The following R3HCC1L variants were observed in gnomAD, a reference collection of about 807,000 sequenced individuals.
R3HCC1L encodes the protein coiled-coil domain-containing protein R3HCC1L.
A neutral mutation model predicts 59.9 loss-of-function variants in R3HCC1L; 51 were observed. That is an observed-to-expected ratio of 0.85 (90% confidence interval 0.68 to 1.07). The LOEUF (loss-of-function observed/expected upper bound fraction) is 1.07, where lower values mean the gene tolerates loss of function less well. R3HCC1L is among the 50% of genes least tolerant of loss of function. The pLI is 0.00. For missense variants in R3HCC1L, 965 were observed against 933.0 expected (o/e 1.03, Z -0.45); for synonymous variants, 322 against 315.2 (o/e 1.02, Z -0.23).
intron 4 of R3HCC1L, among the ~76,000 whole-genome samples, chr10:98,181,088 C>T (rs558560501): frequency 9.7e-4 from 148 of 152,230 alleles, no homozygotes; most frequent in Non-Finnish European, 1.7e-3. Context: ...TTGATCCTGT[C>T]GTTATGATGT....
In R3HCC1L at chr10:98,209,139, A is replaced by C; in HGVS notation, c.1025A>C (p.Glu342Ala). ...GAGAAGAATGACAGCACTGCTGATG[A>C]GTTACATGTAAAGCACGAACCTCCT... ...ECEKNDSTAD[E>A]LHVKHEPPDT... Residue 342 changes from glutamate (E) to alanine (A), a missense_variant, in exon 5 of 10, where the codon GAG (glutamate) becomes GCG (alanine). Glu to Ala is a moderately radical substitution (Grantham distance 107, BLOSUM62 -1). Coordinates refer to ENST00000298999, the MANE Select transcript of R3HCC1L (RefSeq NM_001351015.2). 6.2e-7 allele frequency: 1 copy of C among 1,614,030 alleles called. No homozygotes were observed. Among genetic ancestry groups the C allele is most frequent in the Non-Finnish European group, 8.5e-7 (1 of 1,180,008 alleles).
intron 5 of R3HCC1L, among the ~76,000 whole-genome samples, chr10:98,221,691 A>G (rs1854987272): frequency 6.6e-6 from 1 of 151,896 alleles, no homozygotes; most frequent in African/African-American, 2.4e-5. Context: ...ATAGTTGTAG[A>G]TATGCAGCGT....
intron 4 of R3HCC1L, among the ~76,000 whole-genome samples, chr10:98,172,004 ACAACATTTTAGGATTATGTT>A (rs1848560007): frequency 6.6e-6 from 1 of 152,126 alleles, no homozygotes; most frequent in African/African-American, 2.4e-5. Flanking sequence ...CTGGGTAGAA[ACAACATTTTAGGATTATGTT>A]CAAAAGATAA....
intron 1 of R3HCC1L, among the ~76,000 whole-genome samples, chr10:98,136,487 A>T (rs964020409): frequency 1.3e-5 from 2 of 152,226 alleles, no homozygotes; most frequent in Non-Finnish European, 2.9e-5. Context: ...TTTAGGTTTC[A>T]TATATACCTT....
At chr10:98,157,858 T>G (rs973025653) in intron 2 of R3HCC1L, among the ~76,000 whole-genome samples, 2 of 152,210 alleles carry the variant, frequency 1.3e-5, no homozygotes, top group South Asian at 4.1e-4. Flanking sequence ...TGAAATAATA[T>G]TACAATAGTA....
chr10:98,224,196 T>C (rs1855398968), intron 5 of R3HCC1L, among the ~76,000 whole-genome samples: 1 of 151,964 alleles, frequency 6.6e-6, no homozygotes, highest in Non-Finnish European at 1.5e-5. Flanking sequence ...AGGTCTGCTT[T>C]CAGGTTCCCC....
chr10:98,235,730 T>C (rs989957782), intron 8 of R3HCC1L, among the ~76,000 whole-genome samples: 1 of 152,240 alleles, frequency 6.6e-6, no homozygotes, highest in Non-Finnish European at 1.5e-5. Flanking sequence ...GAGAACTAAC[T>C]GCAGGCAATG....
intron 2 of R3HCC1L, among the ~76,000 whole-genome samples, chr10:98,159,536 A>G (rs1034126889): frequency 1.3e-5 from 2 of 152,112 alleles, no homozygotes; most frequent in Non-Finnish European, 2.9e-5. Context: ...TTTGTTGTAA[A>G]CATCTTGTTA....
Position 98,231,591 on chromosome 10 carries a change from A to T in R3HCC1L, c.1865A>T (p.Asp622Val), listed in dbSNP as rs767749320. 1.2e-6 allele frequency: 2 copies of T among 1,612,462 alleles called. No homozygotes were observed. The highest frequency in any genetic ancestry group is 1.7e-6 in the Non-Finnish European group (2 of 1,178,778). Reference protein sequence around the residue: ...DYYNHEVPDIDLSDCEFPHVI... With the variant: ...DYYNHEVPDIVLSDCEFPHVI... ...TACAATCATGAAGTTCCTGATATTG[A>T]CCTCAGTGATTGTGAATTCCCACAT... is the stretch of plus-strand genomic sequence containing the variant. The change falls in exon 6 of 10, where the codon GAC becomes GTC. Residue 622 changes from aspartate to valine, a missense_variant. Asp to Val is a radical substitution (Grantham distance 152). Coordinates refer to ENST00000298999, the MANE Select transcript of R3HCC1L (RefSeq NM_001351015.2).
At chr10:98,216,850 G>A (rs1854268828) in intron 5 of R3HCC1L, among the ~76,000 whole-genome samples, 1 of 152,118 alleles carries the variant, frequency 6.6e-6, no homozygotes, top group Non-Finnish European at 1.5e-5. Context: ...AAAGTGTTGG[G>A]ATTACAAGTA....
chr10:98,215,404 A>T (rs915377920), intron 5 of R3HCC1L, among the ~76,000 whole-genome samples: 5 of 151,732 alleles, frequency 3.3e-5, no homozygotes, highest in Admixed American at 6.6e-5. Flanking sequence ...TTAGACATAA[A>T]TTTTTTTTTA....
In R3HCC1L at chr10:98,141,959, A is replaced by T. The variant is rs143279141; in HGVS notation, c.-268+7253A>T. On this transcript the variant is annotated intron_variant, in intron 1 of 9. Coordinates refer to ENST00000298999, the MANE Select transcript of R3HCC1L (RefSeq NM_001351015.2). ...GGGGTGGGAGGTAGCAAGTTAAAAAATGAGTTAATAAAACAGTATCACTTT... is the reference window on the plus strand; with the variant it reads ...GGGGTGGGAGGTAGCAAGTTAAAAATTGAGTTAATAAAACAGTATCACTTT... Among the ~76,000 whole-genome samples the T allele has an allele frequency of 3.8e-3, 584 of 152,346 alleles. 5 individuals are homozygous for T. The highest frequency in any genetic ancestry group is 0.013 in the African/African-American group (528 of 41,580).
chr10:98,154,157 G>A (rs1167780235), intron 1 of R3HCC1L, among the ~76,000 whole-genome samples: 2 of 126,768 alleles, frequency 1.6e-5, no homozygotes, highest in African/African-American at 3.1e-5. Context: ...CAACCATATC[G>A]TTATACTACA....
At chr10:98,154,159 T>C (rs1846580628) in intron 1 of R3HCC1L, among the ~76,000 whole-genome samples, 1 of 137,952 alleles carries the variant, frequency 7.2e-6, no homozygotes, top group Admixed American at 7.8e-5. Context: ...ACCATATCGT[T>C]ATACTACAGA....
At chr10:98,213,631 C>G (rs1427684609) in intron 5 of R3HCC1L, among the ~76,000 whole-genome samples, 1 of 152,020 alleles carries the variant, frequency 6.6e-6, no homozygotes, top group Non-Finnish European at 1.5e-5. Flanking sequence ...CCCACTTTTA[C>G]TATGCTGTTC....
intron 4 of R3HCC1L, among the ~76,000 whole-genome samples, chr10:98,182,478 G>T (rs1248378145): frequency 6.6e-6 from 1 of 152,188 alleles, no homozygotes; most frequent in African/African-American, 2.4e-5. Flanking sequence ...CTCCCAGTTA[G>T]GCTACATGGG....
At chr10:98,227,125 A>C (rs1855755444) in intron 5 of R3HCC1L, among the ~76,000 whole-genome samples, 1 of 152,222 alleles carries the variant, frequency 6.6e-6, no homozygotes, top group Non-Finnish European at 1.5e-5. Context: ...CTTGGTTAAA[A>C]TTCTTTTAAA....
chr10:98,230,106 A>G (rs1264016540), intron 5 of R3HCC1L, among the ~76,000 whole-genome samples: 2 of 152,302 alleles, frequency 1.3e-5, no homozygotes, highest in Non-Finnish European at 2.9e-5. Flanking sequence ...AAAATGAGTT[A>G]TGGAGGATTC....
chr10:98,198,882 G>A (rs1017959332), intron 4 of R3HCC1L, among the ~76,000 whole-genome samples: 5 of 152,102 alleles, frequency 3.3e-5, no homozygotes, highest in African/African-American at 1.2e-4. Context: ...ATTATTTAAT[G>A]TGGACCACAA....
Sources: allele counts gnomAD v4.1 joint callset (sites outside exome capture counted in the v4.1 genomes callset), GRCh38; gene constraint gnomAD v4.1.1; transcripts MANE v1.5; gene names NCBI Gene and HGNC (gene_info 2026-07-23, HGNC 2026-07-21).